Variants in HERC4 observed in about 807,000 individuals in gnomAD.
HERC4 encodes the protein probable E3 ubiquitin-protein ligase HERC4.
Under a neutral mutation model 124.3 loss-of-function variants are expected in HERC4, and 28 were observed. The ratio of observed to expected loss-of-function variants is 0.23; its 90% CI spans 0.17 to 0.31. The LOEUF (loss-of-function observed/expected upper bound fraction) is 0.31. HERC4 is among the 10% of genes least tolerant of loss of function. HERC4 has a pLI of 1.00. For synonymous variants in HERC4, 407 were observed against 421.5 expected, an observed-to-expected ratio of 0.97 and a Z score of 0.42; for missense variants, 713 against 1,229.3, an observed-to-expected ratio of 0.58 and a Z score of 6.28.
chr10:67,953,868 T>C (rs1015244377), intron 19 of HERC4, among the ~76,000 whole-genome samples: 3 of 152,182 alleles, frequency 2.0e-5, no homozygotes, highest in Admixed American at 2.0e-4. Flanking sequence ...CAACCCCTGA[T>C]GAATTAGAGT....
intron 8 of HERC4, 57 bp from the exon 9 acceptor site, chr10:68,014,243 T>C (rs1283915421): frequency 7.1e-7 from 1 of 1,398,846 alleles, no homozygotes; most frequent in South Asian, 1.6e-5. Flanking sequence ...CAATTTACAA[T>C]GACAAAAGCA....
intron 3 of HERC4, among the ~76,000 whole-genome samples, chr10:68,045,266 T>A (rs1345000012): frequency 6.6e-6 from 1 of 152,122 alleles, no homozygotes; most frequent in East Asian, 1.9e-4. Flanking sequence ...GAGGTTGCAG[T>A]AAGCCAAGAT....
intron 3 of HERC4, among the ~76,000 whole-genome samples, chr10:68,058,657 C>T (rs548991077): frequency 3.1e-4 from 47 of 152,196 alleles, no homozygotes; most frequent in African/African-American, 6.0e-4. Context: ...GGTGCAATCT[C>T]GGCTCACTGC....
chr10:68,014,236 T>A (rs767968193), intron 8 of HERC4, 50 bp from the exon 9 acceptor site: 75 of 1,427,146 alleles, frequency 5.3e-5, no homozygotes, highest in Non-Finnish European at 6.4e-5. Flanking sequence ...CTTCCAACAA[T>A]TTACAATGAC....
Position 67,985,077 on chromosome 10 carries a change from T to C in HERC4, c.1806+3586A>G, listed in dbSNP as rs972820921. On this transcript the variant is annotated intron_variant, in intron 15 of 24. Transcript: ENST00000373700. ...TTAGAATAAAAATAATATATTCGCA[T>C]AGTAGATAAGGTTCAATCAGCCATC... 2.6e-5 allele frequency among the ~76,000 whole-genome samples: 4 copies of C among 152,218 alleles called. No individual in the cohort carries two copies. In the East Asian group the frequency reaches 7.7e-4, roughly 29 times the overall value.
intron 3 of HERC4, among the ~76,000 whole-genome samples, chr10:68,066,686 G>A (rs1293617227): frequency 2.0e-5 from 3 of 152,176 alleles, no homozygotes; most frequent in African/African-American, 7.2e-5. Context: ...CTGCAAGTCA[G>A]TTACTATGGA....
At chr10:68,004,022 TC>T (rs369182071) in intron 9 of HERC4, among the ~76,000 whole-genome samples, 13,969 of 152,196 alleles carry the variant, frequency 0.092, 1,049 homozygotes, top group East Asian at 0.4. Flanking sequence ...GTTATTGCCC[TC>T]TTTCAGATAA....
rs2041647659 is a variant in HERC4, at chr10:68,073,124, G to C, written c.-16C>G. The C allele has an allele frequency of 6.3e-7, 1 of 1,596,752 alleles. No homozygotes were observed. Among genetic ancestry groups the C allele is most frequent in the Non-Finnish European group, 8.5e-7 (1 of 1,171,434 alleles). On this transcript the variant is annotated 5_prime_UTR_variant, in exon 3 of 25. Transcript: ENST00000373700. ...AGCACAACATGCTTGTAATTATTTT[G>C]GTCTTCCAGTTTCAATAAAAAATTC... is the stretch of plus-strand genomic sequence containing the variant.
intron 10 of HERC4, 62 bp downstream of exon 10, chr10:67,992,544 G>C: frequency 8.9e-7 from 1 of 1,120,708 alleles, no homozygotes; most frequent in Non-Finnish European, 1.3e-6. Context: ...ATTAATAATG[G>C]GTTTTTAAAA....
chr10:68,057,438 A>G (rs761662720), intron 3 of HERC4, among the ~76,000 whole-genome samples: 1 of 152,008 alleles, frequency 6.6e-6, no homozygotes, highest in Non-Finnish European at 1.5e-5. Context: ...AGCCTGGCCA[A>G]CATGGTGAAA....
intron 9 of HERC4, among the ~76,000 whole-genome samples, chr10:68,004,378 G>A (rs1047541300): frequency 4.6e-5 from 7 of 152,060 alleles, no homozygotes; most frequent in Admixed American, 4.6e-4. Context: ...TTCCTTTGCT[G>A]TGTAGAAGCT....
chr10:68,002,002 AT>A (rs2037262931), intron 9 of HERC4, among the ~76,000 whole-genome samples: 2 of 152,094 alleles, frequency 1.3e-5, no homozygotes, highest in Admixed American at 1.3e-4. Context: ...ATGTATCACA[AT>A]TTTTTGATGA....
At chr10:67,927,420 ATATATATATATT>A (rs1466100519) in intron 23 of HERC4, among the ~76,000 whole-genome samples, 3 of 8,232 alleles carry the variant, frequency 3.6e-4, no homozygotes, top group African/African-American at 1.3e-3. Context: ...ATATATATAT[ATATATATATATT>A]TTTTTTTTTT....
chr10:67,978,630 G>A (rs2035743484), intron 15 of HERC4, among the ~76,000 whole-genome samples: 1 of 152,222 alleles, frequency 6.6e-6, no homozygotes, highest in South Asian at 2.1e-4. Context: ...AAGATAGTCA[G>A]TAGCCAGGAA....
chr10:67,982,338 C>T (rs2132650348), intron 15 of HERC4, among the ~76,000 whole-genome samples: 1 of 152,216 alleles, frequency 6.6e-6, no homozygotes, highest in South Asian at 2.1e-4. Context: ...CTAAAATGAA[C>T]TCATTTTTGA....
intron 8 of HERC4, among the ~76,000 whole-genome samples, chr10:68,016,733 T>C (rs764504651): frequency 6.6e-6 from 1 of 152,170 alleles, no homozygotes; most frequent in Non-Finnish European, 1.5e-5. Flanking sequence ...CCTGTTTAGG[T>C]TAAGTCCTTA....
chr10:68,010,680 G>C, intron 9 of HERC4: 1 of 1,474,986 alleles, frequency 6.8e-7, no homozygotes, highest in African/African-American at 1.4e-5. Flanking sequence ...CAAGGGCCGC[G>C]CCGCTTACAC....
At chr10:67,967,825 A>C (rs483507) in intron 15 of HERC4, among the ~76,000 whole-genome samples, 150,514 of 151,930 alleles carry the variant, frequency 0.99, 74,577 homozygotes, top group East Asian at 1. Flanking sequence ...TAAACATCAC[A>C]ATGAGGAAAC....
chr10:67,966,879 G>C, intron 15 of HERC4, 77 bp from the exon 16 acceptor site: 8 of 1,114,794 alleles, frequency 7.2e-6, no homozygotes, highest in African/African-American at 1.6e-5. Context: ...TTTTGAGACG[G>C]AGTCTCACTC....
Sources: allele counts gnomAD v4.1 joint callset (sites outside exome capture counted in the v4.1 genomes callset), GRCh38; gene constraint gnomAD v4.1.1; transcripts MANE v1.5; gene names NCBI Gene and HGNC (gene_info 2026-07-23, HGNC 2026-07-21).